Variants in ADGB observed in about 807,000 individuals in gnomAD.
ADGB encodes calpain-7-like protein.
In ADGB, 172 loss-of-function variants were observed where a neutral mutation model predicts 210.5. The observed-to-expected ratio is 0.82, with a 90% CI of 0.72 to 0.93. The LOEUF (loss-of-function observed/expected upper bound fraction) is 0.93. Among genes scored for constraint, ADGB ranks in the 40% least tolerant of loss-of-function variants. ADGB has a pLI of 0.00. For missense variants in ADGB, 2,025 were observed against 1,964.8 expected, an observed-to-expected ratio of 1.03 and a Z score of -0.58; for synonymous variants, 658 against 662.7, an observed-to-expected ratio of 0.99 and a Z score of 0.11.
chr6:146,638,612 G>GA (rs1775460718), intron 2 of ADGB, among the ~76,000 whole-genome samples: 2 of 128,376 alleles, frequency 1.6e-5, no homozygotes, highest in African/African-American at 5.6e-5. Flanking sequence ...TGTGGGGTGG[G>GA]GGGGGGGGGG....
chr6:146,781,117 C>T (rs902039496), intron 29 of ADGB, among the ~76,000 whole-genome samples: 2 of 140,482 alleles, frequency 1.4e-5, no homozygotes, highest in African/African-American at 2.6e-5. Flanking sequence ...CACGAGCTCA[C>T]GAGATCAAGA....
chr6:146,716,069 A>AG (rs1776728408), intron 14 of ADGB, among the ~76,000 whole-genome samples: 1 of 151,874 alleles, frequency 6.6e-6, no homozygotes, highest in African/African-American at 2.4e-5. Context: ...AAAAAAAAAA[A>AG]AAAATGGTAT....
intron 29 of ADGB, among the ~76,000 whole-genome samples, chr6:146,775,677 A>C (rs1263417024): frequency 6.6e-6 from 1 of 152,130 alleles, no homozygotes; most frequent in African/African-American, 2.4e-5. Flanking sequence ...AGTCTCATTG[A>C]ATTTTATTAG....
chr6:146,750,898 G>A (rs921120818), intron 26 of ADGB, among the ~76,000 whole-genome samples: 3 of 152,094 alleles, frequency 2.0e-5, no homozygotes, highest in African/African-American at 7.2e-5. Context: ...TAATAGAGAG[G>A]GTTGACGTGG....
At chr6:146,773,495 G>A (rs774350271) in intron 29 of ADGB, among the ~76,000 whole-genome samples, 1 of 152,078 alleles carries the variant, frequency 6.6e-6, no homozygotes, top group Non-Finnish European at 1.5e-5. Context: ...GAGAGACCTA[G>A]AAGTTTAATC....
chr6:146,723,731 C>T (rs548196058), intron 17 of ADGB, among the ~76,000 whole-genome samples: 114 of 152,040 alleles, frequency 7.5e-4, no homozygotes, highest in African/African-American at 2.3e-3. Flanking sequence ...AGTGAGAACC[C>T]GTCTTTAAAA....
intron 21 of ADGB, 29 bp from the exon 22 acceptor site, chr6:146,733,864 C>T: frequency 6.4e-7 from 1 of 1,550,862 alleles, no homozygotes; most frequent in Non-Finnish European, 8.7e-7. Context: ...ATATAACTTT[C>T]AGTCCAAAGT....
intron 33 of ADGB, among the ~76,000 whole-genome samples, chr6:146,793,794 T>C (rs1355354911): frequency 6.6e-6 from 1 of 152,090 alleles, no homozygotes; most frequent in Admixed American, 6.6e-5. Context: ...TCTTGTACTA[T>C]CCCTGACTGG....
intron 35 of ADGB, among the ~76,000 whole-genome samples, chr6:146,812,273 A>G (rs1778313845): frequency 6.6e-6 from 1 of 152,256 alleles, no homozygotes; most frequent in African/African-American, 2.4e-5. Flanking sequence ...TCCCAGCTTT[A>G]TGGATGGAGG....
At chr6:146,686,913 A>C (rs1436731805) in intron 10 of ADGB, among the ~76,000 whole-genome samples, 5 of 152,168 alleles carry the variant, frequency 3.3e-5, no homozygotes, top group Non-Finnish European at 7.4e-5. Context: ...TTGAAACATA[A>C]ATATTCCAAT....
intron 31 of ADGB, 65 bp downstream of exon 31, chr6:146,784,859 A>C: frequency 2.1e-6 from 3 of 1,458,278 alleles, no homozygotes; most frequent in Non-Finnish European, 2.7e-6. Context: ...TGAAAAAAAT[A>C]GTCATGCTGG....
At chr6:146,767,673 C>T (rs796771668) in intron 28 of ADGB, among the ~76,000 whole-genome samples, 12 of 149,436 alleles carry the variant, frequency 8.0e-5, no homozygotes, top group African/African-American at 2.9e-4. Context: ...GGGTTCTCTA[C>T]CATGTTGGCC....
chr6:146,664,296 G>A lies in ADGB; in HGVS notation c.708G>A (p.Trp236Ter), dbSNP rs1462588297. The A allele has an allele frequency of 1.3e-6, 2 of 1,549,616 alleles. No individual in the cohort carries two copies. The highest frequency in any genetic ancestry group is 1.7e-6 in the Non-Finnish European group (2 of 1,145,992). ...LPATTYEFEL[W>*]PMLLSKAIIK... ...CTACAACTTATGAATTTGAACTGTG[G>A]CCAATGCTTTTGTCTAAAGCTATTA... The change falls in exon 6 of 36, where the codon TGG becomes TGA. Residue 236 changes from tryptophan to a stop codon, truncating the protein, a stop_gained. Coordinates refer to ENST00000397944, the MANE Select transcript of ADGB (RefSeq NM_024694.4). LOFTEE classifies it high-confidence loss of function.
chr6:146,632,614 T>C (rs1414108348), intron 1 of ADGB, among the ~76,000 whole-genome samples: 3 of 152,166 alleles, frequency 2.0e-5, no homozygotes, highest in South Asian at 4.1e-4. Flanking sequence ...CTCTGACCCT[T>C]ACATATAGAG....
chr6:146,800,509 AT>A (rs1415159586), intron 33 of ADGB, among the ~76,000 whole-genome samples: 1 of 149,762 alleles, frequency 6.7e-6, no homozygotes, highest in Non-Finnish European at 1.5e-5. Context: ...TGAATTTTAT[AT>A]GTGTAAATTA....
chr6:146,791,585 C>T (rs1304695970), intron 33 of ADGB, among the ~76,000 whole-genome samples: 2 of 152,118 alleles, frequency 1.3e-5, no homozygotes, highest in African/African-American at 4.8e-5. Flanking sequence ...TCAAGGAATC[C>T]TCCAGCCTCA....
chr6:146,716,085 A>G lies in ADGB; in HGVS notation c.1741+670A>G, dbSNP rs534885424. ...AAAAAAAAAAAAAATGGTATGCCAC[A>G]TTACTTGGTAAATATAAAATAAGGC... is the stretch of plus-strand genomic sequence containing the variant. On this transcript the variant is annotated intron_variant, in intron 14 of 35. Coordinates refer to ENST00000397944, the MANE Select transcript of ADGB (RefSeq NM_024694.4). Among the ~76,000 whole-genome samples, 65 of 151,278 alleles carry G rather than the reference A, an allele frequency of 4.3e-4. No individual in the cohort carries two copies. The East Asian group carries it at 8.0e-3, about 19-fold the overall frequency.
At chr6:146,704,810 C>A (rs1384457740) in intron 13 of ADGB, among the ~76,000 whole-genome samples, 1 of 151,842 alleles carries the variant, frequency 6.6e-6, no homozygotes, top group Non-Finnish European at 1.5e-5. Flanking sequence ...TGTCTAAAAT[C>A]TCATCAGAAT....
chr6:146,740,308 G>A lies in ADGB; in HGVS notation c.2889-151G>A, dbSNP rs938411072. The A allele has an allele frequency of 1.2e-5, 8 of 669,320 alleles. No individual in the cohort carries two copies. In the Admixed American group the frequency reaches 2.1e-4, roughly 18 times the overall value. 41.5% of individuals were successfully genotyped at this position (669,320 alleles called of 1,614,324 possible). On this transcript the variant is annotated intron_variant, in intron 23 of 35. Coordinates refer to ENST00000397944, the MANE Select transcript of ADGB (RefSeq NM_024694.4). ...CCTTCTCTTGGCACCATGTATCAGG[G>A]ACTACACAGACCCCCTTTGATCAAG...
Sources: gnomAD v4.1 joint callset for allele counts (sites outside exome capture counted in the v4.1 genomes callset) on GRCh38, gnomAD v4.1.1 for gene constraint, MANE v1.5 for transcripts, NCBI Gene and HGNC (gene_info 2026-07-23, HGNC 2026-07-21) for gene names.